The following APAF1 variants were observed in gnomAD, a reference collection of about 807,000 sequenced individuals.
APAF1 encodes the protein apoptotic protease-activating factor 1.
APAF1 carries 91 observed loss-of-function variants against 152.4 expected under a neutral mutation model. The observed-to-expected ratio is 0.60, with a 90% CI of 0.50 to 0.71. The LOEUF is 0.71. Among genes scored for constraint, APAF1 ranks in the 30% least tolerant of loss-of-function variants. The probability of loss-of-function intolerance (pLI) is 0.00; values close to 1 mark genes in which losing one functional copy is unlikely to be tolerated. For synonymous variants in APAF1, 484 were observed against 494.1 expected, an observed-to-expected ratio of 0.98 and a Z score of 0.27; for missense variants, 1,283 against 1,472.0, an observed-to-expected ratio of 0.87 and a Z score of 2.10.
intron 5 of APAF1, among the ~76,000 whole-genome samples, 178 bp from the exon 6 acceptor site, chr12:98,662,278 A>G (rs184754996): frequency 1.2e-4 from 18 of 151,470 alleles, no homozygotes; most frequent in Non-Finnish European, 1.9e-4. Flanking sequence ...CCTTATTTGA[A>G]TCAGCATATT....
Position 98,665,278 on chromosome 12 carries a change from A to ATATATATTTT in APAF1, c.956-274_956-273insATATATTTTT, listed in dbSNP as rs1491316422. 7.9e-3 allele frequency among the ~76,000 whole-genome samples: 518 copies of ATATATATTTT among 65,914 alleles called. 7 individuals are homozygous for ATATATATTTT. The highest frequency in any genetic ancestry group is 0.028 in the African/African-American group (493 of 17,650). 43.2% of individuals were successfully genotyped at this position (65,914 alleles called of 152,430 possible). On this transcript the variant is annotated intron_variant, in intron 7 of 26. Coordinates refer to ENST00000551964, the MANE Select transcript of APAF1 (RefSeq NM_181861.2). Reference sequence around the variant, plus strand: ...CGCATATATATATATATATATATATATTTTTTTTTTTTTTTGTAATGACAT... The same window carrying ATATATATTTT: ...CGCATATATATATATATATATATATATATATATTTTTTTTTTTTTTTTTTTGTAATGACAT...
At chr12:98,664,367 T>G (rs1220582354) in intron 7 of APAF1, among the ~76,000 whole-genome samples, 3 of 152,144 alleles carry the variant, frequency 2.0e-5, no homozygotes, top group Non-Finnish European at 4.4e-5. Context: ...ATGCTTAATT[T>G]GTAGTTATTA....
chr12:98,727,994 TAAATA>T (rs1396687164), intron 26 of APAF1, among the ~76,000 whole-genome samples: 1 of 141,508 alleles, frequency 7.1e-6, no homozygotes, highest in African/African-American at 2.6e-5. Context: ...ATTAAAAAAA[TAAATA>T]AAAAGGAAAA....
intron 22 of APAF1, among the ~76,000 whole-genome samples, chr12:98,717,967 C>G (rs1030459903): frequency 3.3e-5 from 5 of 152,000 alleles, no homozygotes; most frequent in Admixed American, 3.3e-4. Flanking sequence ...TGGTCTTTTG[C>G]CTGGAGGATA....
At position 98,735,325 on chromosome 12, in the gene APAF1, T is replaced by C. The variant is rs1261028681; in HGVS notation, c.*2759T>C. The C allele has an allele frequency of 2.5e-6, 1 of 406,848 alleles. No individual in the cohort carries two copies. The highest frequency in any genetic ancestry group is 4.3e-6 in the Non-Finnish European group (1 of 230,468). 25.2% of individuals were successfully genotyped at this position (406,848 alleles called of 1,614,324 possible). On this transcript the variant is annotated 3_prime_UTR_variant, in exon 27 of 27. Transcript: ENST00000551964. ...TGTCTCTTGTATGTTTTGAAACTCTTGTATTTATGATATAGCTTATATGAT... is the reference window on the plus strand; with the variant it reads ...TGTCTCTTGTATGTTTTGAAACTCTCGTATTTATGATATAGCTTATATGAT...
chr12:98,651,932 A>G (rs1366021904), intron 4 of APAF1, among the ~76,000 whole-genome samples: 2 of 152,084 alleles, frequency 1.3e-5, no homozygotes, highest in Non-Finnish European at 2.9e-5. Flanking sequence ...TTCCCACCTC[A>G]GCCTCCGGAG....
At position 98,667,636 on chromosome 12, in the gene APAF1, A is replaced by G. The variant is rs755284995; in HGVS notation, c.1486A>G (p.Met496Val). The G allele has an allele frequency of 5.0e-6, 8 of 1,613,586 alleles. No homozygotes were observed. Among genetic ancestry groups the G allele is most frequent in the Non-Finnish European group, 6.8e-6 (8 of 1,180,018 alleles). ...GGCCTATCACATGGCCAGTGCCAAG[A>G]TGCACAAGGTAAGATGACCCATTTA... Reference protein sequence around the residue: ...FLAYHMASAKMHKELCALMFS... With the variant: ...FLAYHMASAKVHKELCALMFS... Residue 496 changes from methionine to valine, a missense_variant, in exon 10 of 27, where the codon ATG (methionine) becomes GTG (valine). Met to Val is a conservative substitution (Grantham distance 21). Coordinates refer to ENST00000551964, the MANE Select transcript of APAF1 (RefSeq NM_181861.2).
At chr12:98,656,573 C>T (rs2097657979) in intron 4 of APAF1, among the ~76,000 whole-genome samples, 1 of 152,184 alleles carries the variant, frequency 6.6e-6, no homozygotes. Flanking sequence ...CAGTACATTG[C>T]CAAATTCTGA....
chr12:98,697,739 G>T (rs2097711393), intron 16 of APAF1, among the ~76,000 whole-genome samples: 1 of 152,126 alleles, frequency 6.6e-6, no homozygotes, highest in Non-Finnish European at 1.5e-5. Flanking sequence ...GTAAGCAGAG[G>T]TCCTGCAAAA....
intron 10 of APAF1, among the ~76,000 whole-genome samples, chr12:98,668,425 T>A (rs551388057): frequency 6.6e-6 from 1 of 152,234 alleles, no homozygotes; most frequent in South Asian, 2.1e-4. Flanking sequence ...GTGCTTGTTA[T>A]GTATATTGCT....
chr12:98,715,235 C>T (rs766172140), intron 21 of APAF1, among the ~76,000 whole-genome samples, 192 bp from the exon 22 acceptor site: 136 of 54,768 alleles, frequency 2.5e-3, no homozygotes, highest in Middle Eastern at 0.013. Context: ...ACATGGTGTG[C>T]ATATATATAT....
intron 12 of APAF1, 25 bp downstream of exon 12, chr12:98,671,744 A>G (rs773526670): frequency 6.2e-7 from 1 of 1,605,844 alleles, no homozygotes; most frequent in South Asian, 1.1e-5. Flanking sequence ...AGAGAAACCA[A>G]AGGGAGTGGT....
chr12:98,659,361 T>G lies in APAF1; in HGVS notation c.710+18T>G. ...CACCCAAGGTACCGATGGTCAAATTTAGTTGGTGTGTCAGGTCCCATGTCC... is the reference window on the plus strand; with the variant it reads ...CACCCAAGGTACCGATGGTCAAATTGAGTTGGTGTGTCAGGTCCCATGTCC... On this transcript the variant is annotated intron_variant, in intron 5 of 26. Transcript: ENST00000551964. 6.2e-7 allele frequency: 1 copy of G among 1,613,764 alleles called. No individual in the cohort carries two copies. Among genetic ancestry groups the G allele is most frequent in the South Asian group, 1.1e-5 (1 of 91,084 alleles).
intron 26 of APAF1, among the ~76,000 whole-genome samples, chr12:98,728,652 A>G (rs1464298008): frequency 6.6e-6 from 1 of 151,928 alleles, no homozygotes; most frequent in Non-Finnish European, 1.5e-5. Flanking sequence ...ACCCCGGGGG[A>G]GCAGAAGTTG....
intron 20 of APAF1, 152 bp downstream of exon 20, chr12:98,708,856 G>C (rs2097724717): frequency 2.8e-6 from 2 of 710,710 alleles, no homozygotes; most frequent in Non-Finnish European, 2.3e-6. Context: ...TATAAGTCTT[G>C]AGCTGAGGCT....
At chr12:98,673,786 A>C (rs2097683499) in intron 12 of APAF1, among the ~76,000 whole-genome samples, 1 of 152,214 alleles carries the variant, frequency 6.6e-6, no homozygotes, top group African/African-American at 2.4e-5. Context: ...AGGAGTTCAA[A>C]ATCTCGTAGT....
chr12:98,696,255 A>C (rs1203017903), intron 16 of APAF1, among the ~76,000 whole-genome samples: 2 of 152,124 alleles, frequency 1.3e-5, no homozygotes, highest in Non-Finnish European at 2.9e-5. Context: ...GCTTCCACTC[A>C]TGGTGGAAAG....
chr12:98,653,687 A>AG (rs2097652200), intron 4 of APAF1, among the ~76,000 whole-genome samples: 1 of 31,678 alleles, frequency 3.2e-5, no homozygotes, highest in African/African-American at 1.1e-4. Context: ...AAAAAAAAAA[A>AG]AAAAATATAT....
intron 19 of APAF1, among the ~76,000 whole-genome samples, chr12:98,707,604 T>G (rs933515994): frequency 6.6e-6 from 1 of 151,756 alleles, no homozygotes; most frequent in Admixed American, 6.6e-5. Flanking sequence ...CCCTGGCTGG[T>G]CCCCACAGCA....
Sources: gnomAD v4.1 joint callset for allele counts (sites outside exome capture counted in the v4.1 genomes callset) on GRCh38, gnomAD v4.1.1 for gene constraint, MANE v1.5 for transcripts, NCBI Gene and HGNC (gene_info 2026-07-23, HGNC 2026-07-21) for gene names.